The following FAM20A variants were observed in gnomAD, a reference collection of about 807,000 sequenced individuals.
FAM20A encodes FAM20A golgi associated secretory pathway pseudokinase.
In FAM20A, 42 loss-of-function variants were observed where a neutral mutation model predicts 52.0. The observed-to-expected ratio is 0.81, with a 90% CI of 0.63 to 1.04. The LOEUF is 1.04. Ranked by LOEUF, FAM20A falls within the 50% of genes least tolerant of loss-of-function variation. The probability of loss-of-function intolerance (pLI) is 0.00; values close to 1 mark genes in which losing one functional copy is unlikely to be tolerated. For missense variants in FAM20A, 742 were observed against 712.7 expected (o/e 1.04, Z -0.47); for synonymous variants, 304 against 298.9 (o/e 1.02, Z -0.18).
intron 1 of FAM20A, among the ~76,000 whole-genome samples, chr17:68,565,341 C>T (rs976542773): frequency 6.6e-6 from 1 of 150,850 alleles, no homozygotes; most frequent in Non-Finnish European, 1.5e-5. Flanking sequence ...CCTGCCTCTT[C>T]CCAATCATTT....
intron 1 of FAM20A, among the ~76,000 whole-genome samples, chr17:68,596,471 G>C (rs576771604): frequency 1.3e-5 from 2 of 152,314 alleles, no homozygotes; most frequent in South Asian, 4.1e-4. Flanking sequence ...AGTTTGACAC[G>C]TCAAAAGACA....
At chr17:68,591,350 C>T (rs1225129093) in intron 1 of FAM20A, among the ~76,000 whole-genome samples, 1 of 152,178 alleles carries the variant, frequency 6.6e-6, no homozygotes, top group Non-Finnish European at 1.5e-5. Context: ...CCGCCCGCCT[C>T]GGCCTCCCAA....
In FAM20A at chr17:68,567,379, A is replaced by T. The variant is rs867501392; in HGVS notation, c.405-11636T>A. Reference sequence around the variant, plus strand: ...GCCAACCCCTGCCTTAAAAACATCTACATTCAACATGTTTAAAACTAAACT... The same window carrying T: ...GCCAACCCCTGCCTTAAAAACATCTTCATTCAACATGTTTAAAACTAAACT... On this transcript the variant is annotated intron_variant, in intron 1 of 10. Coordinates refer to ENST00000592554, the MANE Select transcript of FAM20A (RefSeq NM_017565.4). 3.9e-5 allele frequency among the ~76,000 whole-genome samples: 6 copies of T among 152,038 alleles called. No individual in the cohort carries two copies. The South Asian group carries it at 1.2e-3, about 32-fold the overall frequency.
In FAM20A at chr17:68,536,925, A is replaced by T. The variant is rs1339828655; in HGVS notation, c.*552T>A. On this transcript the variant is annotated 3_prime_UTR_variant, in exon 11 of 11. Coordinates refer to ENST00000592554, the MANE Select transcript of FAM20A (RefSeq NM_017565.4). The stretch of plus-strand genomic sequence containing the variant: ...GTTACTCCAGGACCGGGCAGTAGGG[A>T]TTACTGATTCAGATGGGTCCAGTGA... 2.9e-5 allele frequency: 13 copies of T among 454,182 alleles called. No individual in the cohort carries two copies. Among genetic ancestry groups the T allele is most frequent in the Non-Finnish European group, 5.3e-5 (12 of 226,870 alleles). The allele number at this position is 454,182 out of a possible 1,614,324, so 28.1% of individuals were successfully genotyped here.
At chr17:68,583,041 C>T (rs145377367) in intron 1 of FAM20A, among the ~76,000 whole-genome samples, 9,538 of 151,458 alleles carry the variant, frequency 0.063, 1,023 homozygotes, top group African/African-American at 0.22. Context: ...CTCCTGACCT[C>T]GTGATCCGCC....
At position 68,564,093 on chromosome 17, in the gene FAM20A, C is replaced by CA. The variant is rs567968914; in HGVS notation, c.405-8351dup. On this transcript the variant is annotated intron_variant, in intron 1 of 10. Transcript: ENST00000592554. Reference sequence around the variant, plus strand: ...GTTCTGCCTCTTACCAGTGGAGCATCAAAAATCAATGCTAGTGTCGTTGCT... The same window carrying CA: ...GTTCTGCCTCTTACCAGTGGAGCATCAAAAAATCAATGCTAGTGTCGTTGCT... Among the ~76,000 whole-genome samples, 349 of 152,284 alleles carry CA rather than the reference C, an allele frequency of 2.3e-3. 1 individual carries two copies. Among genetic ancestry groups the CA allele is most frequent in the African/African-American group, 8.2e-3 (340 of 41,546 alleles).
At position 68,576,244 on chromosome 17, in the gene FAM20A, C is replaced by G. The variant is rs118077956; in HGVS notation, c.405-20501G>C. On this transcript the variant is annotated intron_variant, in intron 1 of 10. Transcript: ENST00000592554. ...TGTCACCATTTCTGGAGCCATGGCT[C>G]TCTGCCAGCACCTTTTATGAAGACT... 3.3e-4 allele frequency among the ~76,000 whole-genome samples: 51 copies of G among 152,298 alleles called. 1 individual carries two copies. In the East Asian group the frequency reaches 8.7e-3, roughly 26 times the overall value.
At chr17:68,542,633 G>T in intron 6 of FAM20A, 61 bp downstream of exon 6, 2 of 1,252,060 alleles carry the variant, frequency 1.6e-6, no homozygotes, top group South Asian at 1.2e-5. Flanking sequence ...TGAATGGAGG[G>T]GTGGACACTC....
At position 68,597,309 on chromosome 17, in the gene FAM20A, TCTC is replaced by T. The variant is rs142232965; in HGVS notation, c.404+2951_404+2953del. Among the ~76,000 whole-genome samples, 1,222 of 152,208 alleles carry T rather than the reference TCTC, an allele frequency of 8.0e-3. 17 individuals carry two copies. The highest frequency in any genetic ancestry group is 0.028 in the African/African-American group (1,169 of 41,538). ...TTTGGCTTATTTTATTCTCTGTACT[TCTC>T]CTGGTGTGGTGGACAGTTTGCTGAT... On this transcript the variant is annotated intron_variant, in intron 1 of 10. Coordinates refer to ENST00000592554, the MANE Select transcript of FAM20A (RefSeq NM_017565.4).
chr17:68,573,456 CTTCT>C (rs67622633), intron 1 of FAM20A, among the ~76,000 whole-genome samples: 38,422 of 109,180 alleles, frequency 0.35, 5,169 homozygotes, highest in Non-Finnish European at 0.39. Flanking sequence ...TTCTTTCTTT[CTTCT>C]TTCTTTCTTT....
intron 3 of FAM20A, among the ~76,000 whole-genome samples, chr17:68,554,057 C>CATATACGT (rs2086978080): frequency 7.6e-6 from 1 of 131,518 alleles, no homozygotes; most frequent in African/African-American, 3.2e-5. Context: ...CACATATACA[C>CATATACGT]ATATACACAC....
At position 68,539,955 on chromosome 17, in the gene FAM20A, G is replaced by T. The variant is rs149970399; in HGVS notation, c.1231C>A (p.Arg411=). 866 of 1,614,056 alleles carry T rather than the reference G, an allele frequency of 5.4e-4. 5 individuals are homozygous for T. In the African/African-American group the frequency reaches 5.9e-3, roughly 11 times the overall value. The change falls in exon 9 of 11, where the codon CGG becomes AGG. Residue 411 remains arginine, a synonymous_variant. Transcript: ENST00000592554. ...TTGGTGAACATCTCATAATGGTGCC[G>T]GTCCATATTCCCTGTGAAGGAGGGG... ...IFDFLIGNMD[R]HHYEMFTKFG...
intron 1 of FAM20A, among the ~76,000 whole-genome samples, chr17:68,595,514 T>G (rs2088428383): frequency 6.6e-6 from 1 of 152,174 alleles, no homozygotes; most frequent in Non-Finnish European, 1.5e-5. Context: ...CCAAAACTAG[T>G]CCAGCAAGGC....
intron 1 of FAM20A, among the ~76,000 whole-genome samples, chr17:68,591,418 C>G (rs898623440): frequency 1.3e-5 from 2 of 152,212 alleles, no homozygotes; most frequent in African/African-American, 4.8e-5. Flanking sequence ...CTTTTTAATG[C>G]TGTGAGGGCA....
At chr17:68,553,393 T>C (rs935735457) in intron 3 of FAM20A, among the ~76,000 whole-genome samples, 2 of 152,222 alleles carry the variant, frequency 1.3e-5, no homozygotes, top group Admixed American at 6.5e-5. Flanking sequence ...AAAAATGGAC[T>C]AATACATTTT....
rs563358899 is a variant in FAM20A at position 68,583,200 on chromosome 17, G to A, written c.404+17063C>T. Among the ~76,000 whole-genome samples the A allele has an allele frequency of 2.6e-5, 4 of 152,280 alleles. No individual in the cohort carries two copies. The South Asian group carries it at 6.2e-4, about 24-fold the overall frequency. On this transcript the variant is annotated intron_variant, in intron 1 of 10. Transcript: ENST00000592554. ...GCATTTTAGATACCTGGGTTACAATGATGAAGACACAAAGAAGCCTCCATC... is the reference window on the plus strand; with the variant it reads ...GCATTTTAGATACCTGGGTTACAATAATGAAGACACAAAGAAGCCTCCATC...
chr17:68,590,681 T>C (rs181534366), intron 1 of FAM20A, among the ~76,000 whole-genome samples: 1 of 152,324 alleles, frequency 6.6e-6, no homozygotes, highest in East Asian at 1.9e-4. Context: ...GCAGCAGCCA[T>C]AGGAGTCAGT....
At position 68,537,668 on chromosome 17, in the gene FAM20A, C is replaced by G; in HGVS notation, c.1435G>C (p.Glu479Gln). ...CTGAGCTGGTCTTCCAGCAGTGATT[C>G]TCGCATCACATCGCTGAGTCTGTAG... ...ADYRLSDVMRESLLEDQLSPV... is the reference protein window; with the variant it reads ...ADYRLSDVMRQSLLEDQLSPV... The change falls in exon 11 of 11, where the codon GAA (glutamate) becomes CAA (glutamine). Residue 479 changes from glutamate to glutamine, a missense_variant. Glu to Gln is a conservative substitution (Grantham distance 29, BLOSUM62 2). Coordinates refer to ENST00000592554, the MANE Select transcript of FAM20A (RefSeq NM_017565.4). The surrounding 1 kb of genome is among the most constrained non-coding windows in gnomAD (Gnocchi z 4.2). 17 of 1,613,838 alleles carry G rather than the reference C, an allele frequency of 1.1e-5. No homozygotes were observed. Among genetic ancestry groups the G allele is most frequent in the East Asian group, 2.2e-5 (1 of 44,870 alleles).
intron 1 of FAM20A, among the ~76,000 whole-genome samples, chr17:68,572,016 A>G (rs1371339898): frequency 8.9e-5 from 10 of 112,898 alleles, no homozygotes; most frequent in Non-Finnish European, 1.6e-4. Context: ...ATATATATAT[A>G]TATATATATA....
Sources: gnomAD v4.1 joint callset for allele counts (sites outside exome capture counted in the v4.1 genomes callset) on GRCh38, gnomAD v4.1.1 for gene constraint, Gnocchi (gnomAD v3.1) non-coding constraint, MANE v1.5 for transcripts, NCBI Gene and HGNC (gene_info 2026-07-23, HGNC 2026-07-21) for gene names.